Variants in SGSM1 observed in about 807,000 individuals in gnomAD.
The protein encoded by SGSM1 is small G protein signaling modulator 1.
Under a neutral mutation model 133.8 loss-of-function variants are expected in SGSM1, and 73 were observed. That is an observed-to-expected ratio of 0.55 (90% CI 0.45 to 0.66). The LOEUF (loss-of-function observed/expected upper bound fraction) is 0.66. Ranked by LOEUF, SGSM1 falls within the 30% of genes least tolerant of loss-of-function variation. SGSM1 has a pLI of 0.00. For synonymous variants in SGSM1, 563 were observed against 573.0 expected (o/e 0.98, Z 0.25); for missense variants, 1,213 against 1,448.1 (o/e 0.84, Z 2.64).
intron 23 of SGSM1, among the ~76,000 whole-genome samples, chr22:24,917,968 GA>G (rs1222354145): frequency 1.3e-5 from 2 of 152,150 alleles, no homozygotes; most frequent in Non-Finnish European, 2.9e-5. Context: ...TACCAGTGAG[GA>G]AACCGAGGCT....
chr22:24,860,918 A>T (rs1324995716), intron 9 of SGSM1, among the ~76,000 whole-genome samples: 4,689 of 71,026 alleles, frequency 0.066, 105 homozygotes, highest in African/African-American at 0.11. Context: ...AAAAAAAAAA[A>T]AAAAATATAT....
At chr22:24,829,154 C>T (rs1402394228) in intron 2 of SGSM1, among the ~76,000 whole-genome samples, 1 of 151,948 alleles carries the variant, frequency 6.6e-6, no homozygotes, top group Non-Finnish European at 1.5e-5. Flanking sequence ...CGAGATCGTG[C>T]CACTGCACTC....
At chr22:24,846,009 CTTCATTT>C (rs1930124983) in intron 3 of SGSM1, among the ~76,000 whole-genome samples, 1 of 108,232 alleles carries the variant, frequency 9.2e-6, no homozygotes. Context: ...TTCTTTCTTT[CTTCATTT>C]CTTTCTCTCT....
At chr22:24,887,578 C>T (rs1932689325) in intron 16 of SGSM1, among the ~76,000 whole-genome samples, 1 of 152,124 alleles carries the variant, frequency 6.6e-6, no homozygotes, top group Non-Finnish European at 1.5e-5. Flanking sequence ...CATAACTTGT[C>T]ATTTATCTGG....
chr22:24,856,054 C>T (rs1400148289), intron 8 of SGSM1: 2 of 403,776 alleles, frequency 5.0e-6, no homozygotes, highest in Non-Finnish European at 9.7e-6. Context: ...TCCATCTATC[C>T]ATCCATCCAT....
At chr22:24,891,872 A>C (rs1488086407) in intron 16 of SGSM1, among the ~76,000 whole-genome samples, 1 of 152,158 alleles carries the variant, frequency 6.6e-6, no homozygotes, top group Non-Finnish European at 1.5e-5. Flanking sequence ...AGAAGACAGC[A>C]CAGGCAGAGG....
At chr22:24,833,756 C>T (rs1346894304) in intron 2 of SGSM1, among the ~76,000 whole-genome samples, 1 of 152,098 alleles carries the variant, frequency 6.6e-6, no homozygotes, top group Non-Finnish European at 1.5e-5. Flanking sequence ...ATGAGATTCC[C>T]GAGGGTGGAA....
At chr22:24,810,648 G>A (rs1161388159) in intron 2 of SGSM1, among the ~76,000 whole-genome samples, 1 of 152,156 alleles carries the variant, frequency 6.6e-6, no homozygotes, top group Admixed American at 6.5e-5. Flanking sequence ...TAATTGGAGG[G>A]GAGAATGCAG....
chr22:24,855,666 G>C lies in SGSM1; in HGVS notation c.787G>C (p.Val263Leu). ...RATLLYGKNN[V>L]LVQPRDDMEA... The stretch of plus-strand genomic sequence containing the variant: ...CACCCTTCTCTATGGCAAAAACAAC[G>C]TTCTTGTTCAGCCGGTGAGAGGTTA... The change falls in exon 8 of 25, where the codon GTT (valine) becomes CTT (leucine). Residue 263 changes from valine (V) to leucine (L), a missense_variant. By Grantham distance (32) the Val-to-Leu change is conservative. Coordinates refer to ENST00000400358, the MANE Select transcript of SGSM1 (RefSeq NM_001098497.3). 1 of 1,613,976 alleles carries C rather than the reference G, an allele frequency of 6.2e-7. No individual in the cohort carries two copies. Among genetic ancestry groups the C allele is most frequent in the Non-Finnish European group, 8.5e-7 (1 of 1,179,888 alleles).
intron 16 of SGSM1, among the ~76,000 whole-genome samples, chr22:24,892,552 A>T (rs1159142414): frequency 1.3e-5 from 2 of 152,084 alleles, no homozygotes; most frequent in Non-Finnish European, 2.9e-5. Flanking sequence ...CCTGTAGCCC[A>T]TGTGGGGTAC....
At position 24,913,271 on chromosome 22, in the gene SGSM1, C is replaced by T. The variant is rs184859304; in HGVS notation, c.2928+519C>T. 6.1e-3 allele frequency among the ~76,000 whole-genome samples: 835 copies of T among 137,674 alleles called. 3 individuals carry two copies. The highest frequency in any genetic ancestry group is 9.3e-3 in the Non-Finnish European group (617 of 66,014). The allele number at this position is 137,674 out of a possible 152,430, so 90.3% of individuals were successfully genotyped here. A position where few individuals can be genotyped will look rare whatever the true frequency, so the allele number is the denominator to read the frequency against. Reference sequence around the variant, plus strand: ...TCGAGCCACTGCACTCCAGCCTGGGCGACAGAGCAAGACTCCATCTCAAAA... The same window carrying T: ...TCGAGCCACTGCACTCCAGCCTGGGTGACAGAGCAAGACTCCATCTCAAAA... On this transcript the variant is annotated intron_variant, in intron 22 of 24. Transcript: ENST00000400358.
chr22:24,837,590 C>A (rs78601729), intron 2 of SGSM1, among the ~76,000 whole-genome samples: 16 of 137,088 alleles, frequency 1.2e-4, no homozygotes, highest in African/African-American at 4.3e-4. Context: ...CCCCCCCCCC[C>A]CTTTCCCAGT....
Position 24,811,434 on chromosome 22 carries a change from TG to T in SGSM1, c.63+4955del, listed in dbSNP as rs57881499. On this transcript the variant is annotated intron_variant, in intron 2 of 24. Transcript: ENST00000400358. The stretch of plus-strand genomic sequence containing the variant: ...GCATATTTGGAGTCTAAAGCCGGGG[TG>T]GGGGTGGGCAGGGGCAGGGAACGAA... Among the ~76,000 whole-genome samples, 1,170 of 138,992 alleles carry T rather than the reference TG, an allele frequency of 8.4e-3. 14 individuals carry two copies. The highest frequency in any genetic ancestry group is 0.03 in the African/African-American group (1,121 of 37,938). The allele number at this position is 138,992 out of a possible 152,430, so 91.2% of individuals were successfully genotyped here.
chr22:24,826,984 C>A (rs777601087), intron 2 of SGSM1, among the ~76,000 whole-genome samples: 5 of 152,110 alleles, frequency 3.3e-5, no homozygotes, highest in Non-Finnish European at 7.4e-5. Flanking sequence ...TTTTTACCCC[C>A]CTAGAGTGCC....
At chr22:24,853,819 G>A (rs111366960) in intron 5 of SGSM1, among the ~76,000 whole-genome samples, 11,381 of 135,764 alleles carry the variant, frequency 0.084, 568 homozygotes, top group East Asian at 0.16. Flanking sequence ...GGGTTTCACC[G>A]TGTTAGCCAG....
intron 5 of SGSM1, among the ~76,000 whole-genome samples, chr22:24,854,141 C>T (rs936490345): frequency 2.0e-5 from 3 of 152,156 alleles, no homozygotes; most frequent in Non-Finnish European, 2.9e-5. Flanking sequence ...AGGACACAGC[C>T]AAACCATGTC....
At chr22:24,907,426 A>G (rs910840016) in intron 21 of SGSM1, among the ~76,000 whole-genome samples, 1 of 152,290 alleles carries the variant, frequency 6.6e-6, no homozygotes, top group Non-Finnish European at 1.5e-5. Context: ...TCTCATATTC[A>G]TGGATTGGAA....
intron 19 of SGSM1, among the ~76,000 whole-genome samples, chr22:24,900,371 C>CTTTCTT (rs1933096735): frequency 1.4e-5 from 1 of 70,758 alleles, no homozygotes; most frequent in Admixed American, 1.4e-4. Context: ...TTCTTTCTTT[C>CTTTCTT]TTTCTTTCTT....
chr22:24,859,897 G>A, intron 9 of SGSM1, 57 bp downstream of exon 9: 1 of 1,604,688 alleles, frequency 6.2e-7, no homozygotes, highest in South Asian at 1.1e-5. Context: ...CTTGGCACAA[G>A]GAAGTTCCTC....
Sources: gnomAD v4.1 joint callset for allele counts (sites outside exome capture counted in the v4.1 genomes callset) on GRCh38, gnomAD v4.1.1 for gene constraint, MANE v1.5 for transcripts, NCBI Gene and HGNC (gene_info 2026-07-23, HGNC 2026-07-21) for gene names.